The following RIMBP2 variants were observed in gnomAD, a reference collection of about 807,000 sequenced individuals.
RIMBP2 encodes RIMS binding protein 2, also known as RIMS-binding protein 2.
A neutral mutation model predicts 118.6 loss-of-function variants in RIMBP2; 48 were observed. That is an observed-to-expected ratio of 0.40 (90% CI 0.32 to 0.51). RIMBP2 has a LOEUF of 0.51. Among genes scored for constraint, RIMBP2 ranks in the 20% least tolerant of loss-of-function variants. RIMBP2 has a pLI of 0.41. For missense variants in RIMBP2, 1,551 were observed against 1,768.3 expected, an observed-to-expected ratio of 0.88 and a Z score of 2.20; for synonymous variants, 762 against 742.9, an observed-to-expected ratio of 1.03 and a Z score of -0.42.
intron 1 of RIMBP2, among the ~76,000 whole-genome samples, chr12:130,687,672 A>G (rs1242862136): frequency 6.6e-6 from 1 of 152,228 alleles, no homozygotes; most frequent in Non-Finnish European, 1.5e-5. Context: ...ACAGAAAGGT[A>G]AGGAAGAAAA....
At chr12:130,637,293 C>G (rs1242933547) in intron 1 of RIMBP2, among the ~76,000 whole-genome samples, 1 of 152,224 alleles carries the variant, frequency 6.6e-6, no homozygotes, top group Non-Finnish European at 1.5e-5. Flanking sequence ...TGGGAGGCCT[C>G]TGGGAGTAGA....
At chr12:130,713,674 C>A (rs1490588643) in intron 1 of RIMBP2, among the ~76,000 whole-genome samples, 1 of 152,218 alleles carries the variant, frequency 6.6e-6, no homozygotes, top group Non-Finnish European at 1.5e-5. Flanking sequence ...GTGGGAAACA[C>A]TGAGACGTTC....
chr12:130,456,325 G>A (rs781260373), intron 7 of RIMBP2, among the ~76,000 whole-genome samples, 171 bp downstream of exon 7: 21 of 152,184 alleles, frequency 1.4e-4, no homozygotes, highest in East Asian at 1.9e-4. Context: ...TGAGTGTACC[G>A]TGTGCCCCAC....
intron 3 of RIMBP2, among the ~76,000 whole-genome samples, chr12:130,509,592 C>A (rs2050698634): frequency 6.6e-6 from 1 of 152,200 alleles, no homozygotes; most frequent in South Asian, 2.1e-4. Flanking sequence ...GGGGTAACCC[C>A]CAACAGTGTC....
chr12:130,675,919 T>A (rs1028797769), intron 1 of RIMBP2, among the ~76,000 whole-genome samples: 2 of 152,178 alleles, frequency 1.3e-5, no homozygotes, highest in Non-Finnish European at 2.9e-5. Context: ...GGTGGTGGCA[T>A]CAGCAGGTGG....
intron 1 of RIMBP2, among the ~76,000 whole-genome samples, chr12:130,677,555 G>A (rs113870606): frequency 1.3e-5 from 2 of 152,140 alleles, no homozygotes; most frequent in Non-Finnish European, 2.9e-5. Context: ...TTGAACCTGG[G>A]AGGCAGAGGC....
At position 130,450,438 on chromosome 12, in the gene RIMBP2, G is replaced by A. The variant is rs1593343807; in HGVS notation, c.505-162C>T. On this transcript the variant is annotated intron_variant, in intron 8 of 22. Coordinates refer to ENST00000690449, the MANE Select transcript of RIMBP2 (RefSeq NM_001393629.1). This position sits in a 1 kb window ranked among gnomAD's most constrained non-coding sequence, Gnocchi z 4.8. ...CACTGCCACCCGCACACCCACATGC[G>A]AGCTTGGAAAGGAGGGTGGTCCCTC... 6.6e-6 allele frequency among the ~76,000 whole-genome samples: 1 copy of A among 151,814 alleles called. No homozygotes were observed. Among genetic ancestry groups the A allele is most frequent in the South Asian group, 2.1e-4 (1 of 4,812 alleles).
At chr12:130,599,182 GATC>G (rs1482635157) in intron 2 of RIMBP2, among the ~76,000 whole-genome samples, 1 of 152,110 alleles carries the variant, frequency 6.6e-6, no homozygotes, top group Non-Finnish European at 1.5e-5. Flanking sequence ...ACGCAAAATA[GATC>G]ATCAATTTGT....
intron 2 of RIMBP2, among the ~76,000 whole-genome samples, chr12:130,602,566 G>A (rs988231954): frequency 1.3e-5 from 2 of 152,238 alleles, no homozygotes; most frequent in African/African-American, 4.8e-5. Flanking sequence ...AGCGTGGGAT[G>A]GCTCCCGCCT....
chr12:130,678,767 C>T (rs993154222), intron 1 of RIMBP2, among the ~76,000 whole-genome samples: 1 of 152,234 alleles, frequency 6.6e-6, no homozygotes, highest in Non-Finnish European at 1.5e-5. Context: ...ATCCAGCCCT[C>T]CTCAGCCTCC....
intron 1 of RIMBP2, among the ~76,000 whole-genome samples, chr12:130,681,050 G>C (rs907293425): frequency 6.6e-6 from 1 of 152,202 alleles, no homozygotes; most frequent in African/African-American, 2.4e-5. Flanking sequence ...CAGGACACCA[G>C]AGGTGAGAGA....
chr12:130,678,987 G>A (rs1179981706), intron 1 of RIMBP2, among the ~76,000 whole-genome samples: 1 of 152,170 alleles, frequency 6.6e-6, no homozygotes, highest in Non-Finnish European at 1.5e-5. Context: ...CGCTGGTGAT[G>A]TTTGCACAAC....
intron 12 of RIMBP2, 30 bp downstream of exon 12, chr12:130,438,335 A>ACCGGGGGGGGGCCCCCCCCC: frequency 1.2e-6 from 1 of 865,014 alleles, no homozygotes; most frequent in Non-Finnish European, 1.9e-6. Context: ...GGCCTAACAA[A>ACCGGGGGGGGGCCCCCCCCC]CCCTCCCCAC....
At chr12:130,438,597 C>T (rs572859166) in intron 11 of RIMBP2, 81 bp from the exon 12 acceptor site, 10 of 1,303,278 alleles carry the variant, frequency 7.7e-6, no homozygotes, top group East Asian at 2.6e-5. Context: ...GCCCATCTCA[C>T]CTGGAAACGA....
chr12:130,454,600 G>A (rs976733322), intron 7 of RIMBP2, among the ~76,000 whole-genome samples: 13 of 152,406 alleles, frequency 8.5e-5, no homozygotes, highest in African/African-American at 9.6e-5. Context: ...AGGAGGGTGC[G>A]TCTTCCAGAC....
chr12:130,467,704 G>A (rs2080615037), intron 6 of RIMBP2, among the ~76,000 whole-genome samples: 1 of 152,198 alleles, frequency 6.6e-6, no homozygotes, highest in African/African-American at 2.4e-5. Context: ...CTATGACCCA[G>A]AAGCCCCCGC....
intron 1 of RIMBP2, among the ~76,000 whole-genome samples, chr12:130,647,166 C>T (rs2063022896): frequency 6.6e-6 from 1 of 152,152 alleles, no homozygotes; most frequent in Non-Finnish European, 1.5e-5. Flanking sequence ...TATTCAAGAC[C>T]AGCTTAGCCA....
intron 10 of RIMBP2, among the ~76,000 whole-genome samples, chr12:130,443,416 T>C (rs2137199721): frequency 6.6e-6 from 1 of 152,294 alleles, no homozygotes; most frequent in South Asian, 2.1e-4. Context: ...GCTTCAAAGA[T>C]GAGGCAGTTT....
At chr12:130,504,175 C>T (rs187485537) in intron 4 of RIMBP2, among the ~76,000 whole-genome samples, 63 of 152,318 alleles carry the variant, frequency 4.1e-4, no homozygotes, top group African/African-American at 1.3e-3. Context: ...ACATCCCGTT[C>T]ACAATTCAGT....
Sources: allele counts gnomAD v4.1 joint callset (sites outside exome capture counted in the v4.1 genomes callset), GRCh38; gene constraint gnomAD v4.1.1; non-coding constraint Gnocchi (gnomAD v3.1); transcripts MANE v1.5; gene names NCBI Gene and HGNC (gene_info 2026-07-23, HGNC 2026-07-21).